The following PRKAR2B variants were observed in gnomAD, a reference collection of about 807,000 sequenced individuals.
The protein encoded by PRKAR2B is cAMP-dependent protein kinase type II-beta regulatory subunit.
PRKAR2B carries 14 observed loss-of-function variants against 49.9 expected under a neutral mutation model. The ratio of observed to expected loss-of-function variants is 0.28; its 90% CI spans 0.19 to 0.44. The LOEUF is 0.44. Ranked by LOEUF, PRKAR2B falls within the 20% of genes least tolerant of loss-of-function variation. PRKAR2B has a pLI of 1.00. For missense variants in PRKAR2B, 393 were observed against 537.9 expected (o/e 0.73, Z 2.67); for synonymous variants, 196 against 197.7 (o/e 0.99, Z 0.07).
intron 1 of PRKAR2B, among the ~76,000 whole-genome samples, chr7:107,052,341 C>T (rs975517221): frequency 6.6e-6 from 1 of 152,088 alleles, no homozygotes; most frequent in Non-Finnish European, 1.5e-5. Context: ...TCGCTTGAAC[C>T]CTGGAGACGG....
intron 3 of PRKAR2B, among the ~76,000 whole-genome samples, chr7:107,127,923 T>C (rs1389547925): frequency 6.6e-6 from 1 of 152,236 alleles, no homozygotes; most frequent in Non-Finnish European, 1.5e-5. Flanking sequence ...GTTGTGTGCA[T>C]AATGAACTTG....
At position 107,146,342 on chromosome 7, in the gene PRKAR2B, G is replaced by T; in HGVS notation, c.622G>T (p.Val208Phe). The change falls in exon 6 of 11, where the codon GTT (valine) becomes TTT (phenylalanine). Residue 208 changes from valine to phenylalanine, a missense_variant. Val to Phe is a conservative substitution (Grantham distance 50). Coordinates refer to ENST00000265717, the MANE Select transcript of PRKAR2B (RefSeq NM_002736.3). ...TGATATTTATGTGAAATGTGATGGT[G>T]TTGGAAGATGTGTTGGTAACTATGA... ...TFDIYVKCDG[V>F]GRCVGNYDNR... is the part of the protein sequence containing the mutation. 1 of 1,614,184 alleles carries T rather than the reference G, an allele frequency of 6.2e-7. No homozygotes were observed. The highest frequency in any genetic ancestry group is 1.7e-5 in the Admixed American group (1 of 60,020).
At chr7:107,049,634 T>C (rs1413263787) in intron 1 of PRKAR2B, among the ~76,000 whole-genome samples, 1 of 152,132 alleles carries the variant, frequency 6.6e-6, no homozygotes, top group Non-Finnish European at 1.5e-5. Flanking sequence ...TTTTGCAGAA[T>C]AGCAATTTCA....
intron 5 of PRKAR2B, among the ~76,000 whole-genome samples, chr7:107,141,520 G>A (rs187096910): frequency 2.6e-5 from 4 of 152,132 alleles, no homozygotes; most frequent in African/African-American, 7.2e-5. Context: ...GTGAAACCCC[G>A]TCTCTACTAA....
At chr7:107,053,989 A>G (rs1268766488) in intron 1 of PRKAR2B, among the ~76,000 whole-genome samples, 2 of 152,218 alleles carry the variant, frequency 1.3e-5, no homozygotes, top group Non-Finnish European at 2.9e-5. Flanking sequence ...TGGATTACCT[A>G]TTAAATAAGT....
chr7:107,159,332 A>G (rs1228952419), intron 10 of PRKAR2B, 117 bp from the exon 11 acceptor site: 1 of 1,055,948 alleles, frequency 9.5e-7, no homozygotes, highest in Non-Finnish European at 1.3e-6. Context: ...ATTTTATAGT[A>G]TTTACCTAAA....
chr7:107,128,345 C>A, intron 4 of PRKAR2B, 50 bp downstream of exon 4: 2 of 1,392,468 alleles, frequency 1.4e-6, no homozygotes, highest in Non-Finnish European at 2.0e-6. Flanking sequence ...CCCCCAGTGA[C>A]AGTGTCAAGA....
intron 4 of PRKAR2B, 82 bp downstream of exon 4, chr7:107,128,377 T>G (rs2115604583): frequency 9.5e-7 from 1 of 1,054,544 alleles, no homozygotes; most frequent in Non-Finnish European, 1.4e-6. Flanking sequence ...TCTTGAGTTT[T>G]GCCCTCTTTG....
chr7:107,074,667 C>T (rs1410613594), intron 2 of PRKAR2B, among the ~76,000 whole-genome samples: 1 of 151,912 alleles, frequency 6.6e-6, no homozygotes, highest in East Asian at 2.0e-4. Flanking sequence ...GGTTTGGTGG[C>T]GGGCGCCTGT....
chr7:107,099,369 C>T (rs1465903993), intron 2 of PRKAR2B, among the ~76,000 whole-genome samples: 2 of 152,128 alleles, frequency 1.3e-5, no homozygotes, highest in Non-Finnish European at 2.9e-5. Context: ...GTTGGAAAAG[C>T]GCAGTATTAG....
rs761246341 is a variant in PRKAR2B at position 107,044,989 on chromosome 7, C to T, written c.82C>T (p.Leu28=). The T allele has an allele frequency of 7.7e-6, 12 of 1,566,914 alleles. No individual in the cohort carries two copies. The East Asian group carries it at 1.7e-4, about 22-fold the overall frequency. ...VEVLRHQPAD[L]LEFALQHFTR... Reference sequence around the variant, plus strand: ...GGTGCTGAGGCACCAGCCCGCGGACCTGCTGGAGTTCGCGCTGCAGCACTT... The same window carrying T: ...GGTGCTGAGGCACCAGCCCGCGGACTTGCTGGAGTTCGCGCTGCAGCACTT... Residue 28 remains leucine, a synonymous_variant, in exon 1 of 11, where the codon CTG becomes TTG. Coordinates refer to ENST00000265717, the MANE Select transcript of PRKAR2B (RefSeq NM_002736.3).
At chr7:107,118,531 A>G (rs893973280) in intron 2 of PRKAR2B, among the ~76,000 whole-genome samples, 7 of 152,248 alleles carry the variant, frequency 4.6e-5, no homozygotes, top group South Asian at 2.1e-4. Context: ...GAACAAGAGC[A>G]CACAGTCGGT....
rs1466366889 is a variant in PRKAR2B, at chr7:107,121,795, AC to A, written c.344-155del. 2.0e-5 allele frequency among the ~76,000 whole-genome samples: 3 copies of A among 152,124 alleles called. No homozygotes were observed. The East Asian group carries it at 5.8e-4, about 29-fold the overall frequency. ...AGTAAATTATAAATTGCAATATGAAACCAATTTTGGGGGGTAGACTGCTTCT... is the reference window on the plus strand; with the variant it reads ...AGTAAATTATAAATTGCAATATGAAACAATTTTGGGGGGTAGACTGCTTCT... On this transcript the variant is annotated intron_variant, in intron 2 of 10. Transcript: ENST00000265717.
chr7:107,152,598 A>C (rs946661936), intron 7 of PRKAR2B, among the ~76,000 whole-genome samples: 2 of 152,230 alleles, frequency 1.3e-5, no homozygotes, highest in African/African-American at 4.8e-5. Context: ...TCATATTTGA[A>C]GTATTTTGAG....
At chr7:107,154,263 A>C (rs981416682) in intron 8 of PRKAR2B, among the ~76,000 whole-genome samples, 18 of 152,336 alleles carry the variant, frequency 1.2e-4, no homozygotes, top group African/African-American at 4.3e-4. Flanking sequence ...TAGTTTTGAG[A>C]GGTCCCGTGT....
chr7:107,101,291 A>G (rs867330466), intron 2 of PRKAR2B, among the ~76,000 whole-genome samples: 4 of 152,080 alleles, frequency 2.6e-5, no homozygotes, highest in Admixed American at 1.3e-4. Flanking sequence ...TTCGTGATGC[A>G]GTGACCAGTG....
chr7:107,119,767 G>C (rs1795355006), intron 2 of PRKAR2B, among the ~76,000 whole-genome samples: 1 of 152,302 alleles, frequency 6.6e-6, no homozygotes, highest in South Asian at 2.1e-4. Context: ...GAGAGATCTA[G>C]CTAGTTGTGC....
chr7:107,140,647 A>G (rs185814150), intron 4 of PRKAR2B, among the ~76,000 whole-genome samples, 200 bp from the exon 5 acceptor site: 1 of 152,308 alleles, frequency 6.6e-6, no homozygotes, highest in Non-Finnish European at 1.5e-5. Context: ...ACTTTCATTC[A>G]AATACTGAAT....
Position 107,159,703 on chromosome 7 carries a change from C to A in PRKAR2B, c.*121C>A. 1 of 1,038,226 alleles carries A rather than the reference C, an allele frequency of 9.6e-7. No individual in the cohort carries two copies. Among genetic ancestry groups the A allele is most frequent in the Non-Finnish European group, 1.4e-6 (1 of 715,576 alleles). 64.3% of individuals were successfully genotyped at this position (1,038,226 alleles called of 1,614,324 possible). ...GATTTCAGGTTTTTTCCTTTTTTTA[C>A]ATTTACAACGTATCAATAAACAGTA... is the stretch of plus-strand genomic sequence containing the variant. On this transcript the variant is annotated 3_prime_UTR_variant, in exon 11 of 11. Coordinates refer to ENST00000265717, the MANE Select transcript of PRKAR2B (RefSeq NM_002736.3).
Sources: gnomAD v4.1 joint callset for allele counts (sites outside exome capture counted in the v4.1 genomes callset) on GRCh38, gnomAD v4.1.1 for gene constraint, MANE v1.5 for transcripts, NCBI Gene and HGNC (gene_info 2026-07-23, HGNC 2026-07-21) for gene names.